The following ZCCHC24 variants were observed in gnomAD, a reference collection of about 807,000 sequenced individuals.
ZCCHC24 encodes zinc finger CCHC-type containing 24.
A neutral mutation model predicts 26.2 loss-of-function variants in ZCCHC24; 10 were observed. The observed-to-expected ratio is 0.38, with a 90% CI of 0.24 to 0.65. ZCCHC24 has a LOEUF of 0.65. Ranked by LOEUF, ZCCHC24 falls within the 30% of genes least tolerant of loss-of-function variation. The probability of loss-of-function intolerance (pLI) is 0.54; values close to 1 mark genes in which losing one functional copy is unlikely to be tolerated. For synonymous variants in ZCCHC24, 144 were observed against 147.1 expected (o/e 0.98, Z 0.15); for missense variants, 243 against 329.1 (o/e 0.74, Z 2.03).
chr10:79,396,492 A>C (rs1740871436), intron 2 of ZCCHC24, among the ~76,000 whole-genome samples: 1 of 152,158 alleles, frequency 6.6e-6, no homozygotes, highest in Non-Finnish European at 1.5e-5. Context: ...CTCTGCTCCC[A>C]CCAACTAGAG....
chr10:79,394,540 TC>T, intron 2 of ZCCHC24, 100 bp from the exon 3 acceptor site: 1 of 1,522,906 alleles, frequency 6.6e-7, no homozygotes, highest in Non-Finnish European at 8.8e-7. Context: ...ATGTCCTGTG[TC>T]CATGTGTGCA....
intron 1 of ZCCHC24, 39 bp downstream of exon 1, chr10:79,445,156 G>GCGGTGGGT: frequency 7.9e-7 from 1 of 1,267,594 alleles, no homozygotes; most frequent in South Asian, 2.6e-5. Context: ...GGGCGGTGGG[G>GCGGTGGGT]CGGTGGGGCG....
intron 2 of ZCCHC24, among the ~76,000 whole-genome samples, chr10:79,411,761 G>A (rs1252832107): frequency 6.6e-6 from 1 of 152,114 alleles, no homozygotes; most frequent in East Asian, 1.9e-4. Flanking sequence ...AAGCAACTGT[G>A]AGGACAGAAG....
chr10:79,413,789 A>T (rs1009409944), intron 2 of ZCCHC24, among the ~76,000 whole-genome samples: 3 of 147,960 alleles, frequency 2.0e-5, no homozygotes, highest in East Asian at 1.9e-4. Flanking sequence ...TGAGAGAGAG[A>T]GAGAGAGAGA....
At position 79,395,793 on chromosome 10, in the gene ZCCHC24, A is replaced by G. The variant is rs1856538829; in HGVS notation, c.448-1353T>C. Among the ~76,000 whole-genome samples, 4 of 152,114 alleles carry G rather than the reference A, an allele frequency of 2.6e-5. No individual in the cohort carries two copies. The South Asian group carries it at 8.3e-4, about 31-fold the overall frequency. On this transcript the variant is annotated intron_variant, in intron 2 of 3. Coordinates refer to ENST00000372336, the MANE Select transcript of ZCCHC24 (RefSeq NM_153367.4). ...ATTTGTAACTGCATTTTATATATGA[A>G]AGAAACTAGCTATCTCCCACACAGT... is the stretch of plus-strand genomic sequence containing the variant.
intron 2 of ZCCHC24, among the ~76,000 whole-genome samples, chr10:79,431,559 C>T (rs1040201631): frequency 3.3e-5 from 5 of 152,152 alleles, no homozygotes; most frequent in South Asian, 2.1e-4. Context: ...GTACTCTAAG[C>T]GGCAAGAACC....
chr10:79,435,987 G>T (rs539757738), intron 1 of ZCCHC24, among the ~76,000 whole-genome samples: 1 of 152,178 alleles, frequency 6.6e-6, no homozygotes, highest in East Asian at 1.9e-4. Flanking sequence ...AAAATGGAGC[G>T]GGGAAGGGGG....
intron 1 of ZCCHC24, among the ~76,000 whole-genome samples, chr10:79,437,305 A>G (rs4980082): frequency 0.6 from 90,927 of 152,052 alleles, 27,518 homozygotes; most frequent in African/African-American, 0.69. Context: ...TGCCTGCCTC[A>G]GCCTCCCAAA....
intron 2 of ZCCHC24, chr10:79,403,302 G>A (rs117836281): frequency 0.016 from 12,188 of 767,332 alleles, 193 homozygotes; most frequent in East Asian, 0.082. Flanking sequence ...AATGACGGAT[G>A]AGGAAACTGA....
At chr10:79,416,748 G>T (rs1211363922) in intron 2 of ZCCHC24, among the ~76,000 whole-genome samples, 1 of 152,274 alleles carries the variant, frequency 6.6e-6, no homozygotes, top group East Asian at 1.9e-4. Context: ...TGTCCAAGCT[G>T]TGTGACCCTC....
At chr10:79,439,969 G>A (rs1372198429) in intron 1 of ZCCHC24, among the ~76,000 whole-genome samples, 1 of 152,128 alleles carries the variant, frequency 6.6e-6, no homozygotes. Context: ...ACAAGGGCAG[G>A]GAATGGCATT....
At position 79,429,865 on chromosome 10, in the gene ZCCHC24, G is replaced by A. The variant is rs149687410; in HGVS notation, c.447+2693C>T. Among the ~76,000 whole-genome samples the A allele has an allele frequency of 8.2e-3, 1,244 of 152,190 alleles. 19 individuals carry two copies. Among genetic ancestry groups the A allele is most frequent in the African/African-American group, 0.026 (1,097 of 41,504 alleles). ...TGGTTTATAAAAGCCCTGTCAACCC[G>A]TTCCTCCCTTCAGGGAGCCTTGCAC... On this transcript the variant is annotated intron_variant, in intron 2 of 3. Transcript: ENST00000372336.
At chr10:79,397,921 G>A (rs1856568990) in intron 2 of ZCCHC24, among the ~76,000 whole-genome samples, 1 of 152,206 alleles carries the variant, frequency 6.6e-6, no homozygotes, top group Non-Finnish European at 1.5e-5. Flanking sequence ...AAATGAACGG[G>A]AAGAAAACCC....
chr10:79,386,528 G>T, intron 3 of ZCCHC24, 70 bp from the exon 4 acceptor site: 1 of 1,275,780 alleles, frequency 7.8e-7, no homozygotes, highest in Non-Finnish European at 1.1e-6. Flanking sequence ...GAGACAGACA[G>T]GGAGAGACAC....
chr10:79,395,025 C>G (rs1262403364), intron 2 of ZCCHC24, among the ~76,000 whole-genome samples: 1 of 152,224 alleles, frequency 6.6e-6, no homozygotes, highest in Non-Finnish European at 1.5e-5. Context: ...AACAGATTAT[C>G]CATCTGGTTC....
intron 1 of ZCCHC24, among the ~76,000 whole-genome samples, chr10:79,442,881 T>TG (rs760917168): frequency 2.6e-5 from 4 of 151,856 alleles, no homozygotes; most frequent in Admixed American, 1.3e-4. Flanking sequence ...GCAAAGTGGG[T>TG]GGGGGGTGAG....
chr10:79,420,276 C>T (rs1323582018), intron 2 of ZCCHC24, among the ~76,000 whole-genome samples: 1 of 152,140 alleles, frequency 6.6e-6, no homozygotes, highest in Non-Finnish European at 1.5e-5. Context: ...CTGGGCCTTC[C>T]CCTGTCCCCT....
chr10:79,428,532 G>A lies in ZCCHC24; in HGVS notation c.447+4026C>T, dbSNP rs375462592. Reference sequence around the variant, plus strand: ...TGGAAGGTGGTGATGGTCATACAACGATGTGAATGTATTTAATGCCACGAA... The same window carrying A: ...TGGAAGGTGGTGATGGTCATACAACAATGTGAATGTATTTAATGCCACGAA... On this transcript the variant is annotated intron_variant, in intron 2 of 3. Coordinates refer to ENST00000372336, the MANE Select transcript of ZCCHC24 (RefSeq NM_153367.4). Among the ~76,000 whole-genome samples, 35 of 151,496 alleles carry A rather than the reference G, an allele frequency of 2.3e-4. 1 individual carries two copies. In the South Asian group the frequency reaches 5.7e-3, roughly 25 times the overall value.
rs556285918 is a variant in ZCCHC24 at position 79,441,156 on chromosome 10, C to A, written c.246+4039G>T. On this transcript the variant is annotated intron_variant, in intron 1 of 3. Coordinates refer to ENST00000372336, the MANE Select transcript of ZCCHC24 (RefSeq NM_153367.4). Reference sequence around the variant, plus strand: ...GGGAACCCACCTGAGCTCCTTAAGCCCACTCTCGAACATAGGCACCTCATA... The same window carrying A: ...GGGAACCCACCTGAGCTCCTTAAGCACACTCTCGAACATAGGCACCTCATA... Among the ~76,000 whole-genome samples, 21 of 151,760 alleles carry A rather than the reference C, an allele frequency of 1.4e-4. 1 individual carries two copies. In the South Asian group the frequency reaches 4.4e-3, roughly 32 times the overall value.
Sources: gnomAD v4.1 joint callset for allele counts (sites outside exome capture counted in the v4.1 genomes callset) on GRCh38, gnomAD v4.1.1 for gene constraint, MANE v1.5 for transcripts, NCBI Gene and HGNC (gene_info 2026-07-23, HGNC 2026-07-21) for gene names.